Variants in DMD observed in about 807,000 individuals in gnomAD.
DMD encodes dystrophin, also known as mutant dystrophin.
Under a neutral mutation model 330.1 loss-of-function variants are expected in DMD, and 63 were observed. The observed-to-expected ratio is 0.19, with a 90% CI of 0.16 to 0.24. DMD has a LOEUF of 0.24. Among genes scored for constraint, DMD ranks in the 10% least tolerant of loss-of-function variants. DMD has a pLI of 1.00. For missense variants in DMD, 3,344 were observed against 2,684.1 expected (o/e 1.25, Z -5.43); for synonymous variants, 1,223 against 959.8 (o/e 1.27, Z -5.07).
intron 2 of DMD, among the ~76,000 whole-genome samples, chrX:33,010,477 A>G (rs188622078): frequency 1.1e-4 from 12 of 110,327 alleles, no homozygotes; most frequent in Admixed American, 5.8e-4. Flanking sequence ...GGCTGACATG[A>G]CACACAAAGG....
intron 7 of DMD, among the ~76,000 whole-genome samples, chrX:32,724,290 CT>C (rs1200410756): frequency 9.0e-6 from 1 of 111,208 alleles, no homozygotes; most frequent in Non-Finnish European, 1.9e-5. Flanking sequence ...TGAAGTGAAC[CT>C]AATTTATAAG....
At position 32,759,844 on chromosome X, in the gene DMD, G is replaced by C. The variant is rs1287151467; in HGVS notation, c.649+49649C>G. Among the ~76,000 whole-genome samples the C allele has an allele frequency of 3.1e-3, 6 of 1,910 alleles. No individual in the cohort carries two copies. The East Asian group carries it at 0.093, about 30-fold the overall frequency. The allele number at this position is 1,910 out of a possible 115,157, so 1.7% of individuals were successfully genotyped here. A position where few individuals can be genotyped will look rare whatever the true frequency, so the allele number is the denominator to read the frequency against. The stretch of plus-strand genomic sequence containing the variant: ...TTTAAGGCAGATGCAGGTTTTTCTT[G>C]GGGGGGGGGGGGGGGCGGGGGAAGA... On this transcript the variant is annotated intron_variant, in intron 7 of 78. Coordinates refer to ENST00000357033, the MANE Select transcript of DMD (RefSeq NM_004006.3).
intron 1 of DMD, among the ~76,000 whole-genome samples, chrX:33,250,711 G>A (rs1480682033): frequency 9.0e-6 from 1 of 110,993 alleles, no homozygotes; most frequent in Non-Finnish European, 1.9e-5. Context: ...TATCAAATTT[G>A]TTAAACAGGT....
At chrX:32,770,117 A>G (rs2073441987) in intron 7 of DMD, among the ~76,000 whole-genome samples, 1 of 112,078 alleles carries the variant, frequency 8.9e-6, no homozygotes, top group African/African-American at 3.2e-5. Context: ...CATGGTGGGA[A>G]GCAATAAAAG....
chrX:31,193,992 C>T (rs1343455485), intron 67 of DMD, among the ~76,000 whole-genome samples: 1 of 110,882 alleles, frequency 9.0e-6, no homozygotes, highest in East Asian at 2.8e-4. Flanking sequence ...ACCAGCCTGG[C>T]CAACGTGGTG....
At chrX:31,287,152 G>C (rs2053280115) in intron 62 of DMD, among the ~76,000 whole-genome samples, 1 of 112,496 alleles carries the variant, frequency 8.9e-6, no homozygotes, top group African/African-American at 3.2e-5. Flanking sequence ...GGGTTTTAAA[G>C]TAACTAATAT....
chrX:31,271,507 G>A (rs1270763946), intron 62 of DMD, among the ~76,000 whole-genome samples: 2 of 111,265 alleles, frequency 1.8e-5, no homozygotes, highest in Non-Finnish European at 3.8e-5. Flanking sequence ...TAAAAATGCA[G>A]AGTGGCATAG....
intron 2 of DMD, among the ~76,000 whole-genome samples, chrX:32,882,483 G>A (rs147402979): frequency 8.9e-6 from 1 of 112,238 alleles, no homozygotes; most frequent in Non-Finnish European, 1.9e-5. Context: ...TACATTAAGT[G>A]TTGGGTCTGT....
chrX:32,482,244 G>C (rs747115609), intron 21 of DMD, among the ~76,000 whole-genome samples: 1 of 110,985 alleles, frequency 9.0e-6, no homozygotes, highest in Non-Finnish European at 1.9e-5. Flanking sequence ...CATATAACAT[G>C]AGTTTACTGG....
upstream of DMD, chrX:33,211,561 G>A: frequency 9.7e-7 from 1 of 1,027,145 alleles, no homozygotes; most frequent in Admixed American, 4.1e-5. Flanking sequence ...CCAGGATTCT[G>A]TAGAGGCCCC....
intron 68 of DMD, 146 bp downstream of exon 68, chrX:31,182,591 TG>T (rs1006746822): frequency 3.4e-5 from 19 of 553,677 alleles, no homozygotes; most frequent in Non-Finnish European, 4.0e-5. Flanking sequence ...GTGACAGGAA[TG>T]ATCGATGTTC....
chrX:32,409,156 A>G (rs966862104), intron 30 of DMD, among the ~76,000 whole-genome samples: 1 of 111,769 alleles, frequency 8.9e-6, no homozygotes, highest in South Asian at 3.7e-4. Flanking sequence ...TTACTGCCAT[A>G]TTAAAATAAA....
At chrX:32,772,180 C>A (rs759109670) in intron 7 of DMD, among the ~76,000 whole-genome samples, 5 of 112,462 alleles carry the variant, frequency 4.4e-5, no homozygotes, top group Non-Finnish European at 9.4e-5. Context: ...TCCCTGAGGT[C>A]ATTTAAACAG....
intron 62 of DMD, among the ~76,000 whole-genome samples, chrX:31,270,731 G>A (rs931348465): frequency 3.6e-5 from 4 of 112,012 alleles, no homozygotes; most frequent in African/African-American, 1.3e-4. Context: ...CATGAGTGTG[G>A]CTCTGTCCGG....
chrX:32,849,944 C>T (rs2080999493), intron 2 of DMD, 124 bp from the exon 3 acceptor site: 4 of 545,015 alleles, frequency 7.3e-6, no homozygotes, highest in Admixed American at 7.5e-5. Flanking sequence ...ATTAATCTGC[C>T]GAAGATGACG....
chrX:31,715,055 C>T (rs2084918484), intron 52 of DMD, among the ~76,000 whole-genome samples: 1 of 111,480 alleles, frequency 9.0e-6, no homozygotes, highest in Non-Finnish European at 1.9e-5. Flanking sequence ...TAGTCATACA[C>T]TTTGTTTATA....
chrX:32,417,256 C>T (rs1329749238), intron 29 of DMD, among the ~76,000 whole-genome samples: 2 of 111,552 alleles, frequency 1.8e-5, no homozygotes, highest in Non-Finnish European at 3.8e-5. Context: ...TCCACCATAC[C>T]CACTTATACT....
chrX:33,070,663 CTCTCTCTCTCTATATATATATATA>C (rs1320981041), intron 1 of DMD, among the ~76,000 whole-genome samples: 1 of 45,086 alleles, frequency 2.2e-5, no homozygotes, highest in Non-Finnish European at 3.8e-5. Context: ...CTCTCTCTCT[CTCTCTCTCTCTATATATATATATA>C]TATATATATA....
At chrX:31,647,868 A>G (rs1344736087) in intron 54 of DMD, among the ~76,000 whole-genome samples, 3 of 112,217 alleles carry the variant, frequency 2.7e-5, no homozygotes, top group African/African-American at 9.7e-5. Flanking sequence ...GATATTTGAA[A>G]CACACAACTA....
Sources: gnomAD v4.1 joint callset for allele counts (sites outside exome capture counted in the v4.1 genomes callset) on GRCh38, gnomAD v4.1.1 for gene constraint, MANE v1.5 for transcripts, NCBI Gene and HGNC (gene_info 2026-07-23, HGNC 2026-07-21) for gene names.